Variants in CASS4 observed in about 807,000 individuals in gnomAD.
CASS4 encodes the protein Cas scaffold protein family member 4.
Under a neutral mutation model 54.2 loss-of-function variants are expected in CASS4, and 22 were observed. The observed-to-expected ratio is 0.41, with a 90% CI of 0.29 to 0.58. The LOEUF (loss-of-function observed/expected upper bound fraction) is 0.58, where lower values mean the gene tolerates loss of function less well. CASS4 is among the 20% of genes least tolerant of loss of function. The pLI is 0.36. For synonymous variants in CASS4, 409 were observed against 391.5 expected (o/e 1.04, Z -0.53); for missense variants, 854 against 986.7 (o/e 0.87, Z 1.80).
Position 56,452,152 on chromosome 20 carries a change from G to A in CASS4, c.976G>A (p.Asp326Asn). 1.2e-6 allele frequency: 2 copies of A among 1,614,180 alleles called. No individual in the cohort carries two copies. Among genetic ancestry groups the A allele is most frequent in the Non-Finnish European group, 1.7e-6 (2 of 1,180,036 alleles). ...CAGAGGCACATTTCCTTTGGATGAAGATGTCAGCTACAAGGTTCCTTCAAG... is the reference window on the plus strand; with the variant it reads ...CAGAGGCACATTTCCTTTGGATGAAAATGTCAGCTACAAGGTTCCTTCAAG... Reference protein sequence around the residue: ...VPRGTFPLDEDVSYKVPSSFL... With the variant: ...VPRGTFPLDENVSYKVPSSFL... Residue 326 changes from aspartate to asparagine, a missense_variant, in exon 5 of 6, where the codon GAT (aspartate) becomes AAT (asparagine). Physicochemically the swap from Asp to Asn is conservative, Grantham distance 23. Coordinates refer to ENST00000679887, the MANE Select transcript of CASS4 (RefSeq NM_020356.4).
At chr20:56,444,360 C>T (rs544199237) in intron 2 of CASS4, among the ~76,000 whole-genome samples, 2 of 152,266 alleles carry the variant, frequency 1.3e-5, no homozygotes, top group South Asian at 4.2e-4. Context: ...AGCAACAGCT[C>T]CTTGGGACGC....
At chr20:56,433,509 G>A (rs1980015038) in intron 1 of CASS4, among the ~76,000 whole-genome samples, 1 of 152,148 alleles carries the variant, frequency 6.6e-6, no homozygotes, top group Non-Finnish European at 1.5e-5. Flanking sequence ...ACTGAAGGGT[G>A]GTAGAGAGGG....
Position 56,459,388 on chromosome 20 carries a change from C to A in CASS4, c.*641C>A, listed in dbSNP as rs988503097. 16 of 236,194 alleles carry A rather than the reference C, an allele frequency of 6.8e-5. No individual in the cohort carries two copies. The highest frequency in any genetic ancestry group is 2.3e-3 in the Middle Eastern group (1 of 436). 14.6% of individuals were successfully genotyped at this position (236,194 alleles called of 1,614,324 possible). ...GATGTGGTAACATGACTGTGACCTTCAGACAGCATAAATATGTGTGCCCTC... is the reference window on the plus strand; with the variant it reads ...GATGTGGTAACATGACTGTGACCTTAAGACAGCATAAATATGTGTGCCCTC... On this transcript the variant is annotated 3_prime_UTR_variant, in exon 6 of 6. Transcript: ENST00000679887.
Position 56,456,125 on chromosome 20 carries a change from G to A in CASS4, c.1954-2215G>A, listed in dbSNP as rs141139244. Among the ~76,000 whole-genome samples, 374 of 151,988 alleles carry A rather than the reference G, an allele frequency of 2.5e-3. 2 individuals carry two copies. Among genetic ancestry groups the A allele is most frequent in the African/African-American group, 8.5e-3 (353 of 41,438 alleles). On this transcript the variant is annotated intron_variant, in intron 5 of 5. Coordinates refer to ENST00000679887, the MANE Select transcript of CASS4 (RefSeq NM_020356.4). ...AGACTGACAGCACTTCTCAGTGGAG[G>A]CCCGGGGCACCGTTGGCCACCGGGT...
Position 56,451,855 on chromosome 20 carries a change from A to G in CASS4, c.679A>G (p.Arg227Gly). The stretch of plus-strand genomic sequence containing the variant: ...TCCCCTGATATCAGTGACTACCTTA[A>G]GAAGAGGCGGTTACAGCACATTACC... ...GVPLISVTTLRRGGYSTLPNP... is the reference protein window; with the variant it reads ...GVPLISVTTLGRGGYSTLPNP... The change falls in exon 5 of 6, where the codon AGA becomes GGA. Residue 227 changes from arginine (R) to glycine (G), a missense_variant. Arg to Gly is a moderately radical substitution (Grantham distance 125). Transcript: ENST00000679887. The G allele has an allele frequency of 6.2e-7, 1 of 1,613,932 alleles. No homozygotes were observed.
chr20:56,441,916 A>G (rs1980477026), intron 2 of CASS4, among the ~76,000 whole-genome samples: 1 of 152,194 alleles, frequency 6.6e-6, no homozygotes, highest in South Asian at 2.1e-4. Flanking sequence ...CCAGTTAACA[A>G]TCAGTTACAC....
chr20:56,449,788 T>G (rs996529981), intron 3 of CASS4, among the ~76,000 whole-genome samples: 3 of 152,140 alleles, frequency 2.0e-5, no homozygotes, highest in Admixed American at 6.5e-5. Context: ...TGTCGTGATG[T>G]GCACAGTGTC....
chr20:56,434,405 T>C (rs1292736057), intron 1 of CASS4, among the ~76,000 whole-genome samples: 2 of 152,156 alleles, frequency 1.3e-5, no homozygotes, highest in South Asian at 4.1e-4. Flanking sequence ...TTGAAAAATG[T>C]TTATTGACAC....
In CASS4 at chr20:56,412,291, T is replaced by C. The variant is rs1163767876; in HGVS notation, c.-168T>C. Reference sequence around the variant, plus strand: ...ACTCTTATCGTGCTTTCCAGAAAGTTTGCCTGCTGGGAGAGTCTTTTTGAT... The same window carrying C: ...ACTCTTATCGTGCTTTCCAGAAAGTCTGCCTGCTGGGAGAGTCTTTTTGAT... On this transcript the variant is annotated 5_prime_UTR_variant, in exon 1 of 6. Coordinates refer to ENST00000679887, the MANE Select transcript of CASS4 (RefSeq NM_020356.4). The surrounding 1 kb of genome is among the most constrained non-coding windows in gnomAD (Gnocchi z 4.2). The C allele has an allele frequency of 7.0e-6, 5 of 716,236 alleles. No individual in the cohort carries two copies. The highest frequency in any genetic ancestry group is 9.5e-6 in the Non-Finnish European group (4 of 421,234). The allele number at this position is 716,236 out of a possible 1,614,324, so 44.4% of individuals were successfully genotyped here.
chr20:56,433,011 C>T (rs1298258675), intron 1 of CASS4, among the ~76,000 whole-genome samples: 3 of 152,222 alleles, frequency 2.0e-5, no homozygotes, highest in African/African-American at 4.8e-5. Flanking sequence ...CGTTATGTCA[C>T]GCCTCTCTTT....
At chr20:56,449,081 C>G in intron 3 of CASS4, among the ~76,000 whole-genome samples, 1 of 152,166 alleles carries the variant, frequency 6.6e-6, no homozygotes, top group Non-Finnish European at 1.5e-5. Context: ...ACTAGAAATA[C>G]CATTTGCCCC....
chr20:56,413,918 A>G (rs961036558), intron 1 of CASS4, among the ~76,000 whole-genome samples: 1 of 151,998 alleles, frequency 6.6e-6, no homozygotes, highest in Admixed American at 6.6e-5. Context: ...ATTTGTGTGC[A>G]TTTATTTGTG....
intron 5 of CASS4, among the ~76,000 whole-genome samples, chr20:56,455,087 T>C (rs773927058): frequency 1.7e-4 from 26 of 152,146 alleles, no homozygotes; most frequent in Non-Finnish European, 3.1e-4. Flanking sequence ...GATTTGGGGC[T>C]TGTATATCTT....
In CASS4 at chr20:56,460,044, TTTGAA is replaced by T. The variant is rs755268905; in HGVS notation, c.*1305_*1309del. 1.7e-4 allele frequency: 26 copies of T among 152,578 alleles called. No individual in the cohort carries two copies. Among genetic ancestry groups the T allele is most frequent in the Non-Finnish European group, 3.2e-4 (22 of 68,030 alleles). 9.5% of individuals were successfully genotyped at this position (152,578 alleles called of 1,614,324 possible). ...GATAATAGAGTAAGTTTTTTGTTGT[TTTGAA>T]TTGAATTAGTTCTGTGAGATTGGTA... On this transcript the variant is annotated 3_prime_UTR_variant, in exon 6 of 6. Coordinates refer to ENST00000679887, the MANE Select transcript of CASS4 (RefSeq NM_020356.4).
chr20:56,445,237 C>T (rs1329029048), intron 2 of CASS4, among the ~76,000 whole-genome samples: 1 of 152,204 alleles, frequency 6.6e-6, no homozygotes, highest in African/African-American at 2.4e-5. Flanking sequence ...CCCTCCTCCC[C>T]TCCCTCGCTC....
At chr20:56,412,072 C>T, upstream of CASS4, 1 of 302,446 alleles carries the variant, frequency 3.3e-6, no homozygotes, top group South Asian at 2.9e-5. This position sits in a 1 kb window ranked among gnomAD's most constrained non-coding sequence, Gnocchi z 4.2. Flanking sequence ...TGTGTTCATA[C>T]ACTGAGCTCT....
In CASS4 at chr20:56,430,828, G is replaced by A. The variant is rs1416104232; in HGVS notation, c.37-6336G>A. 6.6e-6 allele frequency among the ~76,000 whole-genome samples: 1 copy of A among 152,100 alleles called. No individual in the cohort carries two copies. The highest frequency in any genetic ancestry group is 1.5e-5 in the Non-Finnish European group (1 of 68,030). ...TGGGCAGAAGGAACAGCAAAGAAAA[G>A]GTCTGAGGTGGAAGCAACCTCAGGG... On this transcript the variant is annotated intron_variant, in intron 1 of 5. Transcript: ENST00000679887. This position sits in a 1 kb window ranked among gnomAD's most constrained non-coding sequence, Gnocchi z 4.2.
chr20:56,440,682 G>A (rs1980411162), intron 2 of CASS4, among the ~76,000 whole-genome samples: 1 of 152,234 alleles, frequency 6.6e-6, no homozygotes, highest in Non-Finnish European at 1.5e-5. Context: ...GGAAAGATGA[G>A]TTTACTATTG....
At position 56,453,118 on chromosome 20, in the gene CASS4, A is replaced by G. The variant is rs771669711; in HGVS notation, c.1942A>G (p.Ile648Val). ...SELLKKNRANICGQNPGPLIP... is the reference protein window; with the variant it reads ...SELLKKNRANVCGQNPGPLIP... ...ACTATTAAAGAAAAATAGGGCAAAT[A>G]TCTGTGGACAGGTGAGTTCAGAGTT... Residue 648 changes from isoleucine to valine, a missense_variant, in exon 5 of 6, where the codon ATC becomes GTC. Ile to Val is a conservative substitution (Grantham distance 29). Coordinates refer to ENST00000679887, the MANE Select transcript of CASS4 (RefSeq NM_020356.4). 9.3e-6 allele frequency: 15 copies of G among 1,611,570 alleles called. No individual in the cohort carries two copies. Among genetic ancestry groups the G allele is most frequent in the Non-Finnish European group, 1.0e-5 (12 of 1,178,928 alleles).
Sources: allele counts gnomAD v4.1 joint callset (sites outside exome capture counted in the v4.1 genomes callset), GRCh38; gene constraint gnomAD v4.1.1; non-coding constraint Gnocchi (gnomAD v3.1); transcripts MANE v1.5; gene names NCBI Gene and HGNC (gene_info 2026-07-23, HGNC 2026-07-21).